Variants in ELMO1 observed in about 807,000 individuals in gnomAD.
The protein encoded by ELMO1 is engulfment and cell motility 1, also known as engulfment and cell motility protein 1.
Under a neutral mutation model 98.9 loss-of-function variants are expected in ELMO1, and 26 were observed. That is an observed-to-expected ratio of 0.26 (90% CI 0.19 to 0.36). The LOEUF is 0.36. ELMO1 is among the 10% of genes least tolerant of loss of function. The probability of loss-of-function intolerance (pLI) is 1.00; values close to 1 mark genes in which losing one functional copy is unlikely to be tolerated. For synonymous variants in ELMO1, 346 were observed against 346.0 expected (o/e 1.00, Z 0.00); for missense variants, 627 against 935.2 (o/e 0.67, Z 4.30).
chr7:37,092,542 C>T (rs1784166007), intron 15 of ELMO1, among the ~76,000 whole-genome samples: 1 of 151,584 alleles, frequency 6.6e-6, no homozygotes, highest in South Asian at 2.1e-4. Context: ...CCATGCCCGG[C>T]TAATTTTGTA....
intron 1 of ELMO1, among the ~76,000 whole-genome samples, chr7:37,445,210 T>C (rs1032219618): frequency 6.6e-6 from 1 of 152,222 alleles, no homozygotes; most frequent in Admixed American, 6.5e-5. Flanking sequence ...ACTTCTCTGG[T>C]TGACTAGAAG....
chr7:37,437,836 G>A (rs1216844181), intron 1 of ELMO1, among the ~76,000 whole-genome samples: 3 of 58,628 alleles, frequency 5.1e-5, no homozygotes, highest in African/African-American at 1.7e-4. Flanking sequence ...AGCCGGGCGC[G>A]GTGGCGGGCG....
At chr7:37,238,198 C>T (rs1290732451) in intron 7 of ELMO1, among the ~76,000 whole-genome samples, 2 of 152,084 alleles carry the variant, frequency 1.3e-5, no homozygotes, top group African/African-American at 2.4e-5. Flanking sequence ...ATGGTCTATC[C>T]CTCCACTTGT....
chr7:37,062,641 C>T (rs879704501), intron 15 of ELMO1, among the ~76,000 whole-genome samples: 5 of 152,138 alleles, frequency 3.3e-5, no homozygotes, highest in Non-Finnish European at 5.9e-5. Context: ...GTCACTTTAG[C>T]GTCACTGTTG....
Position 37,342,829 on chromosome 7 carries a change from C to A in ELMO1, c.-73-66G>T. ...TGCAGATGCAGGGTGAATTTTGCTT[C>A]ATCACTTCCTGTTTTCACTGGTGGT... On this transcript the variant is annotated intron_variant, in intron 1 of 21. Coordinates refer to ENST00000310758, the MANE Select transcript of ELMO1 (RefSeq NM_014800.11). This position sits in a 1 kb window ranked among gnomAD's most constrained non-coding sequence, Gnocchi z 4.3. 5 of 749,064 alleles carry A rather than the reference C, an allele frequency of 6.7e-6. No individual in the cohort carries two copies. Among genetic ancestry groups the A allele is most frequent in the East Asian group, 3.0e-5 (1 of 33,532 alleles). The allele number at this position is 749,064 out of a possible 1,614,324, so 46.4% of individuals were successfully genotyped here. A position where few individuals can be genotyped will look rare whatever the true frequency, so the allele number is the denominator to read the frequency against.
rs1491293564 is a variant in ELMO1, at chr7:37,086,765, A to AAAAAAAAAG, written c.1300+9853_1300+9854insCTTTTTTTT. Among the ~76,000 whole-genome samples, 922 of 142,058 alleles carry AAAAAAAAAG rather than the reference A, an allele frequency of 6.5e-3. 12 individuals carry two copies. Among genetic ancestry groups the AAAAAAAAAG allele is most frequent in the Non-Finnish European group, 9.5e-3 (615 of 64,918 alleles). 93.2% of individuals were successfully genotyped at this position (142,058 alleles called of 152,430 possible). A position where few individuals can be genotyped will look rare whatever the true frequency, so the allele number is the denominator to read the frequency against. On this transcript the variant is annotated intron_variant, in intron 15 of 21. Coordinates refer to ENST00000310758, the MANE Select transcript of ELMO1 (RefSeq NM_014800.11). ...CTCCAAAAAAAAAAAAAAAAAAAAA[A>AAAAAAAAAG]GAAATCTTTGAACTTTCTTGCCAAA...
At chr7:37,441,854 T>TG (rs1443124871) in intron 1 of ELMO1, among the ~76,000 whole-genome samples, 4 of 152,188 alleles carry the variant, frequency 2.6e-5, no homozygotes, top group Non-Finnish European at 5.9e-5. Flanking sequence ...AAAGGAAACT[T>TG]GGAGAGCTGG....
chr7:37,159,888 C>G (rs1789085364), intron 13 of ELMO1, among the ~76,000 whole-genome samples: 1 of 152,126 alleles, frequency 6.6e-6, no homozygotes, highest in African/African-American at 2.4e-5. Context: ...TCTGTAAAAT[C>G]TGAGTGGTAG....
intron 13 of ELMO1, among the ~76,000 whole-genome samples, chr7:37,180,096 G>A (rs1391287861): frequency 6.6e-6 from 1 of 152,254 alleles, no homozygotes; most frequent in Middle Eastern, 3.4e-3. Context: ...ATGTGCTTCT[G>A]CATCACCATC....
At chr7:37,363,922 C>T (rs913037761) in intron 1 of ELMO1, among the ~76,000 whole-genome samples, 17 of 152,150 alleles carry the variant, frequency 1.1e-4, no homozygotes, top group Admixed American at 3.9e-4. Context: ...TAGAAAATCA[C>T]ACCCTAGGCC....
chr7:37,346,540 T>G (rs1466294181), intron 1 of ELMO1, among the ~76,000 whole-genome samples: 1 of 152,238 alleles, frequency 6.6e-6, no homozygotes, highest in Non-Finnish European at 1.5e-5. Context: ...ATAGTCTGTA[T>G]GCTCTTTGAA....
chr7:37,053,055 T>C (rs1233589465), intron 15 of ELMO1, among the ~76,000 whole-genome samples: 1 of 152,184 alleles, frequency 6.6e-6, no homozygotes, highest in Admixed American at 6.5e-5. Flanking sequence ...TTTGTCAGAT[T>C]ATTCCTCTAA....
At chr7:37,041,299 T>C (rs1167701081) in intron 15 of ELMO1, among the ~76,000 whole-genome samples, 1 of 152,182 alleles carries the variant, frequency 6.6e-6, no homozygotes, top group Non-Finnish European at 1.5e-5. Context: ...TCATTTGTCA[T>C]TTTATAGCCA....
chr7:37,187,029 A>G (rs1476267464), intron 13 of ELMO1, among the ~76,000 whole-genome samples: 1 of 152,218 alleles, frequency 6.6e-6, no homozygotes, highest in Non-Finnish European at 1.5e-5. Flanking sequence ...AGCTTTAGTC[A>G]TCATAACTAA....
chr7:37,356,867 T>C (rs1801519920), intron 1 of ELMO1, among the ~76,000 whole-genome samples: 1 of 152,150 alleles, frequency 6.6e-6, no homozygotes, highest in Non-Finnish European at 1.5e-5. Context: ...AAAAATCCTC[T>C]TCCACAAAGT....
At chr7:37,122,845 C>T (rs1475113426) in intron 14 of ELMO1, among the ~76,000 whole-genome samples, 1 of 152,158 alleles carries the variant, frequency 6.6e-6, no homozygotes, top group Non-Finnish European at 1.5e-5. Context: ...CTTCTCAGCA[C>T]CACACCACAC....
chr7:37,408,917 C>T (rs1803885611), intron 1 of ELMO1, among the ~76,000 whole-genome samples: 1 of 151,758 alleles, frequency 6.6e-6, no homozygotes, highest in African/African-American at 2.4e-5. Flanking sequence ...TGCTTTTTAC[C>T]ACATGCAAAA....
At chr7:37,391,355 G>GA in intron 1 of ELMO1, among the ~76,000 whole-genome samples, 1 of 152,100 alleles carries the variant, frequency 6.6e-6, no homozygotes. Flanking sequence ...GACCTCAAGT[G>GA]ATCTGCCACC....
intron 5 of ELMO1, 140 bp from the exon 6 acceptor site, chr7:37,259,490 G>T: frequency 1.1e-6 from 1 of 935,088 alleles, no homozygotes; most frequent in Non-Finnish European, 1.6e-6. Context: ...GCATCTCAAC[G>T]ACAGGCTTCA....
Sources: allele counts gnomAD v4.1 joint callset (sites outside exome capture counted in the v4.1 genomes callset), GRCh38; gene constraint gnomAD v4.1.1; non-coding constraint Gnocchi (gnomAD v3.1); transcripts MANE v1.5; gene names NCBI Gene and HGNC (gene_info 2026-07-23, HGNC 2026-07-21).